The following GAS6 variants were observed in gnomAD, a reference collection of about 807,000 sequenced individuals.
The protein encoded by GAS6 is growth arrest-specific protein 6.
Under a neutral mutation model 75.8 loss-of-function variants are expected in GAS6, and 41 were observed. The observed-to-expected ratio is 0.54, with a 90% CI of 0.42 to 0.70. The LOEUF is 0.70. Ranked by LOEUF, GAS6 falls within the 30% of genes least tolerant of loss-of-function variation. The probability of loss-of-function intolerance (pLI) is 0.00; values close to 1 mark genes in which losing one functional copy is unlikely to be tolerated. For missense variants in GAS6, 854 were observed against 940.2 expected (o/e 0.91, Z 1.20); for synonymous variants, 432 against 412.6 (o/e 1.05, Z -0.57).
intron 2 of GAS6, among the ~76,000 whole-genome samples, chr13:113,856,576 A>C (rs1011616480): frequency 1.3e-5 from 2 of 152,224 alleles, no homozygotes; most frequent in Non-Finnish European, 2.9e-5. Flanking sequence ...GGATCTGAGA[A>C]CGGGAGTGAT....
chr13:113,828,429 G>T, intron 11 of GAS6, 118 bp downstream of exon 11: 2 of 1,002,478 alleles, frequency 2.0e-6, no homozygotes, highest in Non-Finnish European at 2.8e-6. Flanking sequence ...CTTCCTCTAG[G>T]TCCTCCTCAC....
chr13:113,823,530 C>T lies in GAS6; in HGVS notation c.1498G>A (p.Gly500Arg), dbSNP rs7992146. ...LDYMRTPLDV[G>R]TESTWEVEVV... is the part of the protein sequence containing the mutation. Reference sequence around the variant, plus strand: ...TCTACTTCCCAGGTTGATTCAGTCCCGACGTCCAGAGGGGTCCGCACTGCA... The same window carrying T: ...TCTACTTCCCAGGTTGATTCAGTCCTGACGTCCAGAGGGGTCCGCACTGCA... The change falls in exon 13 of 15, where the codon GGG (glycine) becomes AGG (arginine). Residue 500 changes from glycine to arginine, a missense_variant. Physicochemically the swap from Gly to Arg is moderately radical, Grantham distance 125. Transcript: ENST00000327773. 2.1e-3 allele frequency: 3,362 copies of T among 1,612,172 alleles called. 67 individuals are homozygous for T. The African/African-American group carries it at 0.041, about 19-fold the overall frequency.
intron 2 of GAS6, among the ~76,000 whole-genome samples, chr13:113,858,920 TGTTA>T (rs1361517386): frequency 1.4e-4 from 22 of 151,906 alleles, no homozygotes; most frequent in South Asian, 8.3e-4. Context: ...TGTACATGTC[TGTTA>T]GTATGTGTGT....
At chr13:113,842,517 G>A in intron 4 of GAS6, 1 of 396,568 alleles carries the variant, frequency 2.5e-6, no homozygotes, top group Non-Finnish European at 4.4e-6. Flanking sequence ...GTGTCCGCGG[G>A]GCGTCTGGAG....
intron 2 of GAS6, among the ~76,000 whole-genome samples, chr13:113,853,316 G>A (rs1210489233): frequency 2.0e-5 from 3 of 152,192 alleles, no homozygotes; most frequent in Non-Finnish European, 4.4e-5. Context: ...TGGTGGTGAG[G>A]GGCAGCCAGG....
intron 2 of GAS6, among the ~76,000 whole-genome samples, chr13:113,858,907 A>G (rs1310907572): frequency 1.3e-5 from 2 of 148,160 alleles, no homozygotes; most frequent in South Asian, 2.2e-4. Flanking sequence ...GTGTGCATGT[A>G]TGTGTACATG....
At chr13:113,858,037 C>A (rs550948275) in intron 2 of GAS6, among the ~76,000 whole-genome samples, 1 of 152,228 alleles carries the variant, frequency 6.6e-6, no homozygotes, top group Non-Finnish European at 1.5e-5. Flanking sequence ...CACAGGGCTC[C>A]GGCCCCTCAG....
At chr13:113,831,056 G>A (rs903729125) in intron 10 of GAS6, among the ~76,000 whole-genome samples, 4 of 152,268 alleles carry the variant, frequency 2.6e-5, no homozygotes, top group African/African-American at 7.2e-5. Flanking sequence ...TCTTCCCAAC[G>A]TTTCCTTCTG....
At chr13:113,841,868 C>T (rs1367902641) in intron 4 of GAS6, 1 of 106,742 alleles carries the variant, frequency 9.4e-6, no homozygotes, top group East Asian at 3.0e-4. Context: ...CCTCCATATG[C>T]CCAGTTTCCT....
Position 113,863,713 on chromosome 13 carries a change from C to T in GAS6, c.117G>A (p.Thr39=), listed in dbSNP as rs1308205728. The T allele has an allele frequency of 4.0e-6, 6 of 1,505,056 alleles. No individual in the cohort carries two copies. The highest frequency in any genetic ancestry group is 3.5e-6 in the Non-Finnish European group (4 of 1,130,186). 93.2% of individuals were successfully genotyped at this position (1,505,056 alleles called of 1,614,324 possible). Residue 39 remains threonine, a synonymous_variant, in exon 2 of 15, where the codon ACG becomes ACA. Transcript: ENST00000327773. The surrounding 1 kb of genome is among the most constrained non-coding windows in gnomAD (Gnocchi z 9.4). ...LAALLPAREA[T]QFLRPRQRRA... is the part of the protein sequence containing the mutation. ...GGCGCTGCCTGGGCCGCAGGAACTG[C>T]GTGGCCTCGCGCGCCGGCAACAGCG...
intron 8 of GAS6, among the ~76,000 whole-genome samples, chr13:113,834,031 G>A (rs909583752): frequency 2.0e-5 from 3 of 149,314 alleles, no homozygotes; most frequent in East Asian, 2.0e-4. Flanking sequence ...CGGTGTGACA[G>A]GTAGGTCATG....
chr13:113,826,248 T>C (rs1353128212), intron 12 of GAS6, among the ~76,000 whole-genome samples: 3 of 152,196 alleles, frequency 2.0e-5, no homozygotes, highest in Admixed American at 2.0e-4. Context: ...CCTCCCATTG[T>C]AGCTGTCTCA....
Position 113,828,586 on chromosome 13 carries a change from C to T in GAS6, c.1269G>A (p.Val423=). The T allele has an allele frequency of 6.2e-7, 1 of 1,613,534 alleles. No homozygotes were observed. The highest frequency in any genetic ancestry group is 2.2e-5 in the East Asian group (1 of 44,878). ...ERGLYHLNLT[V]GGIPFHEKDL... ...CCTTCTCATGGAAGGGAATACCTCC[C>T]ACGGTCAGGTTCAGATGATACAGTC... The change falls in exon 11 of 15, where the codon GTG becomes GTA. Residue 423 remains valine (V), a synonymous_variant. Coordinates refer to ENST00000327773, the MANE Select transcript of GAS6 (RefSeq NM_000820.4).
intron 13 of GAS6, chr13:113,822,577 ACTCAC>A: frequency 5.4e-6 from 1 of 186,896 alleles, no homozygotes. Context: ...CCCGGTGGGC[ACTCAC>A]GCTGGCACCA....
intron 5 of GAS6, 78 bp from the exon 6 acceptor site, chr13:113,838,269 G>C (rs113475399): frequency 1.9e-6 from 3 of 1,562,048 alleles, no homozygotes; most frequent in Middle Eastern, 3.6e-4. Flanking sequence ...TCCCAGAGGT[G>C]CACAGCCCAG....
intron 4 of GAS6, chr13:113,842,033 T>G (rs2051789081): frequency 7.0e-6 from 1 of 142,332 alleles, no homozygotes; most frequent in Non-Finnish European, 1.5e-5. Flanking sequence ...TACGCCCCAG[T>G]TTCCTCCATA....
chr13:113,827,308 T>C, intron 11 of GAS6, 144 bp from the exon 12 acceptor site: 2 of 738,202 alleles, frequency 2.7e-6, no homozygotes. Flanking sequence ...GGTGGCCATT[T>C]CACAGAAGGT....
intron 6 of GAS6, chr13:113,835,909 G>T (rs2051697314): frequency 1.2e-5 from 16 of 1,301,458 alleles, no homozygotes; most frequent in South Asian, 2.1e-5. Context: ...GGAGGGGTGG[G>T]GGGCGGCGGT....
At chr13:113,833,492 G>C (rs544206978) in intron 8 of GAS6, 1 of 991,470 alleles carries the variant, frequency 1.0e-6, no homozygotes, top group Non-Finnish European at 1.2e-6. Flanking sequence ...CAACCCCCAG[G>C]CACAGGCCCA....
Sources: allele counts gnomAD v4.1 joint callset (sites outside exome capture counted in the v4.1 genomes callset), GRCh38; gene constraint gnomAD v4.1.1; non-coding constraint Gnocchi (gnomAD v3.1); transcripts MANE v1.5; gene names NCBI Gene and HGNC (gene_info 2026-07-23, HGNC 2026-07-21).